DLG2: variants seen among roughly 807,000 people sequenced by gnomAD.
DLG2 encodes disks large homolog 2.
In DLG2, 45 loss-of-function variants were observed where a neutral mutation model predicts 132.5. The ratio of observed to expected loss-of-function variants is 0.34; its 90% CI spans 0.27 to 0.44. DLG2 has a LOEUF of 0.44. Among genes scored for constraint, DLG2 ranks in the 20% least tolerant of loss-of-function variants. The pLI, the probability that DLG2 is intolerant of heterozygous loss-of-function variation, is 1.00. For missense variants in DLG2, 1,045 were observed against 1,196.9 expected (o/e 0.87, Z 1.87); for synonymous variants, 424 against 419.6 (o/e 1.01, Z -0.13).
intron 7 of DLG2, among the ~76,000 whole-genome samples, chr11:84,291,162 G>A (rs1330867359): frequency 6.6e-6 from 1 of 151,972 alleles, no homozygotes; most frequent in Non-Finnish European, 1.5e-5. Context: ...CTAAAGATGA[G>A]GCAGTTTTTA....
At chr11:84,358,293 A>G (rs2098629603) in intron 7 of DLG2, among the ~76,000 whole-genome samples, 5 of 151,748 alleles carry the variant, frequency 3.3e-5, no homozygotes, top group Admixed American at 3.3e-4. Flanking sequence ...AGCCACTATC[A>G]GATGATGCTG....
intron 7 of DLG2, among the ~76,000 whole-genome samples, chr11:84,532,440 G>A (rs1413085274): frequency 6.6e-6 from 1 of 152,002 alleles, no homozygotes; most frequent in Non-Finnish European, 1.5e-5. Flanking sequence ...TGCTCTAGAG[G>A]TGATTAAGGA....
intron 6 of DLG2, among the ~76,000 whole-genome samples, chr11:84,574,285 T>C (rs991789942): frequency 2.2e-4 from 33 of 151,466 alleles, no homozygotes; most frequent in Non-Finnish European, 4.6e-4. Context: ...ATCTTGAAAA[T>C]AAGATATTAC....
chr11:84,646,575 A>G (rs1173013421), intron 6 of DLG2, among the ~76,000 whole-genome samples: 5 of 152,164 alleles, frequency 3.3e-5, no homozygotes, highest in Admixed American at 3.3e-4. Flanking sequence ...TCAGTCTGAC[A>G]GAAATAACCA....
chr11:85,442,048 G>A (rs767546867), intron 3 of DLG2, among the ~76,000 whole-genome samples: 32 of 151,990 alleles, frequency 2.1e-4, no homozygotes, highest in Admixed American at 3.3e-4. Context: ...TGTAAAAGCT[G>A]TTAGGGACAA....
At chr11:84,688,630 G>A (rs899436457) in intron 6 of DLG2, among the ~76,000 whole-genome samples, 7 of 152,172 alleles carry the variant, frequency 4.6e-5, no homozygotes, top group African/African-American at 1.7e-4. Context: ...AAATATTGTG[G>A]GGAAGTGTCA....
At chr11:85,351,414 C>T (rs991286132) in intron 3 of DLG2, among the ~76,000 whole-genome samples, 2 of 152,272 alleles carry the variant, frequency 1.3e-5, no homozygotes, top group Non-Finnish European at 2.9e-5. Context: ...CCTGCTCTTG[C>T]CTGATTGCCC....
intron 11 of DLG2, among the ~76,000 whole-genome samples, chr11:84,026,675 T>A (rs946666277): frequency 6.6e-6 from 1 of 152,100 alleles, no homozygotes; most frequent in Non-Finnish European, 1.5e-5. Context: ...AATGAATAAA[T>A]GAACACACTT....
intron 4 of DLG2, among the ~76,000 whole-genome samples, chr11:85,255,098 TAAC>T (rs2076602439): frequency 6.6e-6 from 1 of 151,978 alleles, no homozygotes; most frequent in Non-Finnish European, 1.5e-5. Flanking sequence ...TTATATTAAA[TAAC>T]AAACTTTTTG....
At chr11:84,948,345 T>C (rs1202337689) in intron 6 of DLG2, among the ~76,000 whole-genome samples, 6 of 152,232 alleles carry the variant, frequency 3.9e-5, no homozygotes, top group African/African-American at 1.4e-4. Context: ...CAATTTGCTG[T>C]CTGTCTGCTT....
At chr11:84,633,959 G>A (rs1251915066) in intron 6 of DLG2, among the ~76,000 whole-genome samples, 1 of 152,148 alleles carries the variant, frequency 6.6e-6, no homozygotes, top group Non-Finnish European at 1.5e-5. Context: ...ACTGGAACAG[G>A]ATAATGGGGA....
At chr11:83,738,195 C>G (rs906802811) in intron 18 of DLG2, among the ~76,000 whole-genome samples, 4 of 152,174 alleles carry the variant, frequency 2.6e-5, no homozygotes, top group African/African-American at 9.7e-5. Flanking sequence ...AAATTATAAA[C>G]TGCTGCTCTT....
chr11:83,994,957 G>A (rs900778930), intron 11 of DLG2, among the ~76,000 whole-genome samples: 1 of 150,204 alleles, frequency 6.7e-6, no homozygotes, highest in Non-Finnish European at 1.5e-5. Flanking sequence ...TTCTCCCTAT[G>A]TGCATGTCTG....
At chr11:83,994,850 T>A (rs368458990) in intron 11 of DLG2, among the ~76,000 whole-genome samples, 1 of 152,150 alleles carries the variant, frequency 6.6e-6, no homozygotes, top group African/African-American at 2.4e-5. Flanking sequence ...ATCTATTCCA[T>A]GCCCCTCTTC....
chr11:85,018,790 C>CTTT (rs59380438), intron 6 of DLG2, among the ~76,000 whole-genome samples: 6 of 135,644 alleles, frequency 4.4e-5, no homozygotes, highest in Admixed American at 2.9e-4. Context: ...AACATGCCTT[C>CTTT]TTTTTTTTTT....
chr11:84,165,846 C>T (rs564306654), intron 8 of DLG2, among the ~76,000 whole-genome samples: 2 of 152,096 alleles, frequency 1.3e-5, no homozygotes, highest in African/African-American at 2.4e-5. Context: ...TACAGTGAGC[C>T]GAGATCGCAC....
intron 6 of DLG2, among the ~76,000 whole-genome samples, chr11:84,575,300 A>T (rs1396462963): frequency 6.6e-6 from 1 of 152,068 alleles, no homozygotes; most frequent in Non-Finnish European, 1.5e-5. Flanking sequence ...AATTACTTAT[A>T]GTTCCTCCTG....
chr11:85,427,276 A>C (rs896347869), intron 3 of DLG2, among the ~76,000 whole-genome samples: 10 of 152,222 alleles, frequency 6.6e-5, no homozygotes, highest in East Asian at 3.9e-4. Flanking sequence ...ATACAGAGAA[A>C]GCCACAAAGA....
chr11:83,963,601 G>A (rs993623818), intron 13 of DLG2, among the ~76,000 whole-genome samples: 19 of 151,854 alleles, frequency 1.3e-4, no homozygotes, highest in Admixed American at 1.1e-3. Context: ...TTTATATGTT[G>A]AGATGAGGTA....
Sources: gnomAD v4.1 joint callset for allele counts (sites outside exome capture counted in the v4.1 genomes callset) on GRCh38, gnomAD v4.1.1 for gene constraint, MANE v1.5 for transcripts, NCBI Gene and HGNC (gene_info 2026-07-23, HGNC 2026-07-21) for gene names.